KCNH7: variants seen among roughly 807,000 people sequenced by gnomAD.
The protein encoded by KCNH7 is voltage-gated inwardly rectifying potassium channel KCNH7.
In KCNH7, 49 loss-of-function variants were observed where a neutral mutation model predicts 120.8. The observed-to-expected ratio is 0.41, with a 90% CI of 0.32 to 0.51. KCNH7 has a LOEUF of 0.51. KCNH7 is among the 20% of genes least tolerant of loss of function. The pLI is 0.38. For synonymous variants in KCNH7, 547 were observed against 516.1 expected (o/e 1.06, Z -0.81); for missense variants, 1,097 against 1,446.6 (o/e 0.76, Z 3.92).
intron 4 of KCNH7, among the ~76,000 whole-genome samples, chr2:162,514,272 C>T (rs1691209131): frequency 6.6e-6 from 1 of 151,678 alleles, no homozygotes; most frequent in Admixed American, 6.6e-5. Flanking sequence ...GAGAGAATTA[C>T]AAGAAACAAA....
At chr2:162,523,048 T>A (rs1463170534) in intron 3 of KCNH7, among the ~76,000 whole-genome samples, 1 of 151,848 alleles carries the variant, frequency 6.6e-6, no homozygotes, top group African/African-American at 2.4e-5. Flanking sequence ...ATCACTTTAA[T>A]CTATACATGC....
At chr2:162,456,064 G>A (rs2105588270) in intron 6 of KCNH7, among the ~76,000 whole-genome samples, 1 of 152,212 alleles carries the variant, frequency 6.6e-6, no homozygotes, top group South Asian at 2.1e-4. Context: ...GCTTTCTGAT[G>A]TGGGCAATTA....
At chr2:162,570,982 G>T (rs1693451538) in intron 2 of KCNH7, among the ~76,000 whole-genome samples, 1 of 152,018 alleles carries the variant, frequency 6.6e-6, no homozygotes, top group African/African-American at 2.4e-5. Flanking sequence ...TTGAAAACTG[G>T]CACAAGACAG....
intron 3 of KCNH7, among the ~76,000 whole-genome samples, chr2:162,530,271 G>A (rs1428733519): frequency 1.3e-5 from 2 of 151,730 alleles, no homozygotes; most frequent in Non-Finnish European, 2.9e-5. Flanking sequence ...CTTAATCTTT[G>A]TAATTTAATA....
At chr2:162,823,024 G>T (rs1685167624) in intron 2 of KCNH7, among the ~76,000 whole-genome samples, 1 of 152,200 alleles carries the variant, frequency 6.6e-6, no homozygotes, top group Non-Finnish European at 1.5e-5. Flanking sequence ...ACATATGTGT[G>T]TAGTGAGTGT....
At chr2:162,389,831 G>A (rs1049404967) in intron 12 of KCNH7, among the ~76,000 whole-genome samples, 1 of 151,916 alleles carries the variant, frequency 6.6e-6, no homozygotes, top group African/African-American at 2.4e-5. Context: ...AAATTAACTA[G>A]AAAATATAAT....
At chr2:162,672,192 T>C (rs1685383481) in intron 2 of KCNH7, among the ~76,000 whole-genome samples, 1 of 152,116 alleles carries the variant, frequency 6.6e-6, no homozygotes, top group Non-Finnish European at 1.5e-5. Context: ...CAGCTTGATT[T>C]AATGAAACAT....
intron 2 of KCNH7, among the ~76,000 whole-genome samples, chr2:162,632,261 T>C (rs1479390866): frequency 6.6e-6 from 1 of 151,948 alleles, no homozygotes; most frequent in Non-Finnish European, 1.5e-5. Flanking sequence ...TCATTGGTAA[T>C]AGCAACAACA....
chr2:162,432,894 C>T (rs183118497), intron 8 of KCNH7, among the ~76,000 whole-genome samples: 1 of 152,096 alleles, frequency 6.6e-6, no homozygotes, highest in African/African-American at 2.4e-5. Context: ...ATATTATTCT[C>T]TTCCTATAAA....
At position 162,713,274 on chromosome 2, in the gene KCNH7, A is replaced by G. The variant is rs1397633433; in HGVS notation, c.307+123263T>C. 5.9e-5 allele frequency among the ~76,000 whole-genome samples: 9 copies of G among 152,346 alleles called. No individual in the cohort carries two copies. The East Asian group carries it at 1.3e-3, about 23-fold the overall frequency. On this transcript the variant is annotated intron_variant, in intron 2 of 15. Transcript: ENST00000332142. ...TGAGACAGAAAGAGAGAGCATCTCA[A>G]CTGGGAAGGCAAATTCTGAGACAAA...
intron 2 of KCNH7, among the ~76,000 whole-genome samples, chr2:162,818,062 C>T (rs910260009): frequency 5.3e-5 from 8 of 151,732 alleles, no homozygotes; most frequent in African/African-American, 1.9e-4. Flanking sequence ...TACATATATA[C>T]AGTTTTTATT....
At chr2:162,604,426 G>A (rs919768927) in intron 2 of KCNH7, among the ~76,000 whole-genome samples, 1 of 151,964 alleles carries the variant, frequency 6.6e-6, no homozygotes, top group African/African-American at 2.4e-5. Flanking sequence ...ATTCTACTTA[G>A]GTATTCCCAC....
intron 2 of KCNH7, among the ~76,000 whole-genome samples, chr2:162,810,913 C>G (rs1684711997): frequency 6.6e-6 from 1 of 151,986 alleles, no homozygotes; most frequent in Admixed American, 6.6e-5. Flanking sequence ...GTTCAGAAAA[C>G]TAATTATGGT....
chr2:162,380,102 C>G, intron 13 of KCNH7, 81 bp from the exon 14 acceptor site: 2 of 1,509,080 alleles, frequency 1.3e-6, no homozygotes, highest in Non-Finnish European at 1.8e-6. Context: ...ACAAGACAAG[C>G]TGGAAAGGAT....
At position 162,631,571 on chromosome 2, in the gene KCNH7, CTG is replaced by C. The variant is rs564866100; in HGVS notation, c.308-94493_308-94492del. ...TTAAAATATTGAATTACAGAAAAAT[CTG>C]TGAAGAAAAAGGTTATTGCTAAAAT... On this transcript the variant is annotated intron_variant, in intron 2 of 15. Transcript: ENST00000332142. 3.1e-3 allele frequency among the ~76,000 whole-genome samples: 466 copies of C among 151,844 alleles called. 1 individual carries two copies. Among genetic ancestry groups the C allele is most frequent in the African/African-American group, 0.011 (443 of 41,444 alleles).
At chr2:162,632,895 G>A (rs951227079) in intron 2 of KCNH7, among the ~76,000 whole-genome samples, 4 of 151,684 alleles carry the variant, frequency 2.6e-5, no homozygotes, top group Non-Finnish European at 5.9e-5. Context: ...ATAATCAGAT[G>A]GAGAAAGTTG....
intron 2 of KCNH7, among the ~76,000 whole-genome samples, chr2:162,716,621 G>A (rs1338768031): frequency 6.6e-6 from 1 of 151,924 alleles, no homozygotes; most frequent in Non-Finnish European, 1.5e-5. Context: ...TATTTATTAG[G>A]GCTTTCTCAA....
chr2:162,652,414 C>T (rs1040724413), intron 2 of KCNH7, among the ~76,000 whole-genome samples: 13 of 151,260 alleles, frequency 8.6e-5, no homozygotes, highest in Non-Finnish European at 1.8e-4. Context: ...AAGACTTGGA[C>T]GGGGTGGTGG....
rs569329416 is a variant in KCNH7 at position 162,719,303 on chromosome 2, A to C, written c.307+117234T>G. ...AAGGAAAATCTAGTAAATCTGCAAAAAACATGGAATACCAGCATTTATTTT... is the reference window on the plus strand; with the variant it reads ...AAGGAAAATCTAGTAAATCTGCAAACAACATGGAATACCAGCATTTATTTT... On this transcript the variant is annotated intron_variant, in intron 2 of 15. Coordinates refer to ENST00000332142, the MANE Select transcript of KCNH7 (RefSeq NM_033272.4). Among the ~76,000 whole-genome samples, 9 of 152,164 alleles carry C rather than the reference A, an allele frequency of 5.9e-5. No homozygotes were observed. In the South Asian group the frequency reaches 1.9e-3, roughly 32 times the overall value.
Sources: gnomAD v4.1 joint callset for allele counts (sites outside exome capture counted in the v4.1 genomes callset) on GRCh38, gnomAD v4.1.1 for gene constraint, MANE v1.5 for transcripts, NCBI Gene and HGNC (gene_info 2026-07-23, HGNC 2026-07-21) for gene names.